PCSK2: variants seen among roughly 807,000 people sequenced by gnomAD.
The protein encoded by PCSK2 is proprotein convertase subtilisin/kexin type 2, also known as neuroendocrine convertase 2.
In PCSK2, 14 loss-of-function variants were observed where a neutral mutation model predicts 69.7. The ratio of observed to expected loss-of-function variants is 0.20; its 90% CI spans 0.13 to 0.31. The LOEUF (loss-of-function observed/expected upper bound fraction) is 0.31. PCSK2 is among the 10% of genes least tolerant of loss of function. The pLI is 1.00. For synonymous variants in PCSK2, 307 were observed against 320.7 expected, an observed-to-expected ratio of 0.96 and a Z score of 0.46; for missense variants, 544 against 842.5, an observed-to-expected ratio of 0.65 and a Z score of 4.39.
At chr20:17,457,930 G>A (rs1045175304) in intron 10 of PCSK2, among the ~76,000 whole-genome samples, 1 of 152,186 alleles carries the variant, frequency 6.6e-6, no homozygotes, top group African/African-American at 2.4e-5. Flanking sequence ...GCACACAAAT[G>A]GAAGACCTAA....
intron 5 of PCSK2, among the ~76,000 whole-genome samples, chr20:17,374,042 A>G (rs1398427109): frequency 3.3e-5 from 5 of 152,226 alleles, no homozygotes; most frequent in Non-Finnish European, 5.9e-5. Flanking sequence ...ATTAGCCAAG[A>G]GGCTATTTTA....
At chr20:17,457,352 A>G (rs1406981975) in intron 10 of PCSK2, among the ~76,000 whole-genome samples, 1 of 152,220 alleles carries the variant, frequency 6.6e-6, no homozygotes, top group Non-Finnish European at 1.5e-5. Context: ...GTCTCTCTCC[A>G]CATAGGCAGT....
intron 6 of PCSK2, among the ~76,000 whole-genome samples, chr20:17,413,592 T>C (rs1260741693): frequency 6.6e-6 from 1 of 152,144 alleles, no homozygotes. Context: ...GGGGAGACTT[T>C]AACACCCCAC....
intron 1 of PCSK2, among the ~76,000 whole-genome samples, chr20:17,242,401 T>A (rs537259100): frequency 1.2e-4 from 18 of 152,188 alleles, no homozygotes; most frequent in Non-Finnish European, 2.4e-4. Context: ...TTGAGCCCTA[T>A]GAAGATGAGG....
chr20:17,303,524 A>G (rs1259073746), intron 2 of PCSK2, among the ~76,000 whole-genome samples: 1 of 38,602 alleles, frequency 2.6e-5, no homozygotes, highest in Non-Finnish European at 5.2e-5. Context: ...ATAATATAAT[A>G]TATATTATAT....
At chr20:17,273,397 C>T (rs1320448194) in intron 2 of PCSK2, among the ~76,000 whole-genome samples, 1 of 152,054 alleles carries the variant, frequency 6.6e-6, no homozygotes, top group Non-Finnish European at 1.5e-5. Flanking sequence ...AATTTTTAAT[C>T]CCTATCATGG....
chr20:17,469,172 T>C (rs2033159663), intron 11 of PCSK2, among the ~76,000 whole-genome samples: 1 of 152,228 alleles, frequency 6.6e-6, no homozygotes, highest in South Asian at 2.1e-4. Context: ...TCCCTCCTCT[T>C]GGCAGGACAG....
intron 2 of PCSK2, among the ~76,000 whole-genome samples, chr20:17,350,177 C>G (rs2029934572): frequency 6.8e-6 from 1 of 147,374 alleles, no homozygotes; most frequent in Non-Finnish European, 1.5e-5. Flanking sequence ...CTGTAGTGAC[C>G]CTATTTCCAA....
chr20:17,351,714 C>G (rs1285358767), intron 2 of PCSK2, among the ~76,000 whole-genome samples: 22 of 152,088 alleles, frequency 1.4e-4, no homozygotes, highest in Admixed American at 1.4e-3. Flanking sequence ...ATAATAACAG[C>G]CAGCTATGAC....
chr20:17,357,600 G>A (rs959438191), intron 2 of PCSK2, among the ~76,000 whole-genome samples: 14 of 152,102 alleles, frequency 9.2e-5, no homozygotes, highest in Non-Finnish European at 2.9e-5. Context: ...TCTTCTTTAA[G>A]AATACTTTAC....
chr20:17,368,448 A>G (rs2030664922), intron 4 of PCSK2, among the ~76,000 whole-genome samples: 1 of 152,188 alleles, frequency 6.6e-6, no homozygotes, highest in Non-Finnish European at 1.5e-5. Flanking sequence ...CCATTATGCT[A>G]GATGGTGTCA....
chr20:17,299,822 A>G (rs1425610958), intron 2 of PCSK2, among the ~76,000 whole-genome samples: 1 of 152,054 alleles, frequency 6.6e-6, no homozygotes, highest in Non-Finnish European at 1.5e-5. Flanking sequence ...AAATCATTTC[A>G]TTTTGGGGAC....
At chr20:17,307,027 G>C (rs1244664523) in intron 2 of PCSK2, among the ~76,000 whole-genome samples, 1 of 152,140 alleles carries the variant, frequency 6.6e-6, no homozygotes, top group South Asian at 2.1e-4. Flanking sequence ...TGTCTTATCA[G>C]CCAAGTCAAC....
At chr20:17,420,149 T>G (rs1215248514) in intron 6 of PCSK2, among the ~76,000 whole-genome samples, 1 of 152,138 alleles carries the variant, frequency 6.6e-6, no homozygotes, top group Non-Finnish European at 1.5e-5. Flanking sequence ...TTATTAAAAG[T>G]CATACTTCAT....
intron 2 of PCSK2, among the ~76,000 whole-genome samples, chr20:17,353,594 A>G (rs1290744928): frequency 6.6e-6 from 1 of 152,224 alleles, no homozygotes; most frequent in African/African-American, 2.4e-5. Context: ...AGATTTCTCA[A>G]AGAACCTAAA....
chr20:17,449,739 C>G (rs1022707584), intron 8 of PCSK2, among the ~76,000 whole-genome samples: 10 of 151,826 alleles, frequency 6.6e-5, no homozygotes, highest in African/African-American at 1.9e-4. Flanking sequence ...GTTGGTCAGG[C>G]TGGTCTCAGA....
chr20:17,239,471 G>A (rs970005669), intron 1 of PCSK2, among the ~76,000 whole-genome samples: 5 of 152,048 alleles, frequency 3.3e-5, no homozygotes, highest in Non-Finnish European at 5.9e-5. Context: ...GAAGGGACAG[G>A]GATCCTTGGA....
intron 2 of PCSK2, among the ~76,000 whole-genome samples, chr20:17,350,721 C>T (rs1003839140): frequency 2.0e-5 from 3 of 152,030 alleles, no homozygotes; most frequent in Non-Finnish European, 2.9e-5. Context: ...TTTCCTCAAC[C>T]GTAACAATAC....
chr20:17,311,218 T>C (rs760245647), intron 2 of PCSK2, among the ~76,000 whole-genome samples: 5 of 152,142 alleles, frequency 3.3e-5, no homozygotes, highest in Non-Finnish European at 7.3e-5. Flanking sequence ...AATGTTAGTT[T>C]CTATTCTGCA....
Sources: allele counts gnomAD v4.1 joint callset (sites outside exome capture counted in the v4.1 genomes callset), GRCh38; gene constraint gnomAD v4.1.1; transcripts MANE v1.5; gene names NCBI Gene and HGNC (gene_info 2026-07-23, HGNC 2026-07-21).